C19orf44: variants seen among roughly 807,000 people sequenced by gnomAD.
The protein encoded by C19orf44 is chromosome 19 open reading frame 44.
Under a neutral mutation model 50.7 loss-of-function variants are expected in C19orf44, and 43 were observed. The ratio of observed to expected loss-of-function variants is 0.85; its 90% confidence interval spans 0.66 to 1.09. C19orf44 has a LOEUF of 1.09. Among genes scored for constraint, C19orf44 ranks in the 50% least tolerant of loss-of-function variants. The pLI is 0.00. For synonymous variants in C19orf44, 298 were observed against 334.7 expected, an observed-to-expected ratio of 0.89 and a Z score of 1.20; for missense variants, 722 against 836.2, an observed-to-expected ratio of 0.86 and a Z score of 1.68.
intron 8 of C19orf44, chr19:16,518,871 G>C (rs977363864): frequency 2.4e-6 from 1 of 422,710 alleles, no homozygotes; most frequent in African/African-American, 2.1e-5. Flanking sequence ...GAATTTACTC[G>C]GGCGGAGGGT....
intron 1 of C19orf44, among the ~76,000 whole-genome samples, chr19:16,500,156 TG>T (rs1240698163): frequency 2.0e-5 from 3 of 152,084 alleles, no homozygotes; most frequent in Non-Finnish European, 2.9e-5. Flanking sequence ...CTCGAACCCC[TG>T]GGCTCAGGTG....
rs568609469 is a variant in C19orf44 at position 16,504,849 on chromosome 19, C to T, written c.1075+1469C>T. Among the ~76,000 whole-genome samples, 121 of 145,082 alleles carry T rather than the reference C, an allele frequency of 8.3e-4. 1 individual carries two copies. Among genetic ancestry groups the T allele is most frequent in the Non-Finnish European group, 1.3e-3 (84 of 66,806 alleles). On this transcript the variant is annotated intron_variant, in intron 3 of 8. Coordinates refer to ENST00000221671, the MANE Select transcript of C19orf44 (RefSeq NM_032207.4). ...TTTTTTTTTTTTTGAGATGACATCT[C>T]GCTCTGTCACCCAGGCTGGAGTGCA...
chr19:16,513,993 ATT>A (rs201243218), intron 6 of C19orf44, among the ~76,000 whole-genome samples: 4 of 146,562 alleles, frequency 2.7e-5, no homozygotes, highest in Non-Finnish European at 6.0e-5. Context: ...CAATTTTTTA[ATT>A]TTTTTTTTTT....
At chr19:16,512,887 A>T in intron 5 of C19orf44, 127 bp from the exon 6 acceptor site, 9 of 672,522 alleles carry the variant, frequency 1.3e-5, no homozygotes, top group South Asian at 2.0e-5. Flanking sequence ...AAAATGCAAG[A>T]GTGGCGATCA....
intron 6 of C19orf44, 88 bp from the exon 7 acceptor site, chr19:16,514,409 G>A: frequency 7.6e-7 from 1 of 1,308,410 alleles, no homozygotes. Flanking sequence ...AGATTTCAGA[G>A]AGCAGCCTGG....
intron 4 of C19orf44, among the ~76,000 whole-genome samples, chr19:16,507,317 C>T (rs2093443289): frequency 6.6e-6 from 1 of 152,080 alleles, no homozygotes; most frequent in Non-Finnish European, 1.5e-5. Flanking sequence ...ACAACATCTG[C>T]ACGGAGGCAA....
chr19:16,506,676 G>A (rs370416752), intron 3 of C19orf44, 25 bp from the exon 4 acceptor site: 60 of 1,481,946 alleles, frequency 4.0e-5, no homozygotes, highest in Non-Finnish European at 4.8e-5. Flanking sequence ...AAATGTAAAC[G>A]CTTATACTCA....
In C19orf44 at chr19:16,519,153, G is replaced by A; in HGVS notation, c.*41-941G>A. 1 of 1,610,626 alleles carries A rather than the reference G, an allele frequency of 6.2e-7. No homozygotes were observed. On this transcript the variant is annotated intron_variant, in intron 8 of 8. Transcript: ENST00000221671. This position sits in a 1 kb window ranked among gnomAD's most constrained non-coding sequence, Gnocchi z 6.0. ...TGGCCACCGGCGCGGCTCCCGGCAT[G>A]GGCGCCTACTTACACTCGTCCCTGG...
chr19:16,507,299 C>T (rs1247298584), intron 4 of C19orf44, among the ~76,000 whole-genome samples: 3 of 152,144 alleles, frequency 2.0e-5, no homozygotes, highest in African/African-American at 2.4e-5. Flanking sequence ...CACGTAAAGC[C>T]GCCCATGACA....
At chr19:16,516,393 G>A (rs1007170263) in intron 7 of C19orf44, among the ~76,000 whole-genome samples, 44 of 152,066 alleles carry the variant, frequency 2.9e-4, no homozygotes, top group African/African-American at 9.7e-4. Flanking sequence ...TGTAGTGAGG[G>A]AGAAAGCGGG....
rs1366906373 is a variant in C19orf44 at position 16,520,836 on chromosome 19, TCTC to T, written c.*786_*788del. ...CATCTGCGCTTTTACCTGTTCCTCT[TCTC>T]CTGGCCTTTCCTCCGCCGGGCCCGC... On this transcript the variant is annotated 3_prime_UTR_variant, in exon 9 of 9. Coordinates refer to ENST00000221671, the MANE Select transcript of C19orf44 (RefSeq NM_032207.4). The surrounding 1 kb of genome is among the most constrained non-coding windows in gnomAD (Gnocchi z 4.0). 6 of 1,613,728 alleles carry T rather than the reference TCTC, an allele frequency of 3.7e-6. No individual in the cohort carries two copies. The highest frequency in any genetic ancestry group is 1.1e-5 in the South Asian group (1 of 91,078).
chr19:16,504,840 A>T (rs1299422748), intron 3 of C19orf44, among the ~76,000 whole-genome samples: 4 of 127,032 alleles, frequency 3.1e-5, no homozygotes, highest in African/African-American at 1.3e-4. Context: ...TTTTTTTGAG[A>T]TGACATCTCG....
At chr19:16,511,772 A>G (rs796959321) in intron 5 of C19orf44, among the ~76,000 whole-genome samples, 173 of 151,884 alleles carry the variant, frequency 1.1e-3, no homozygotes, top group African/African-American at 4.1e-3. Context: ...TCTCATCCAT[A>G]TGGCTCTTGA....
chr19:16,517,402 C>T (rs2085548838), intron 8 of C19orf44, 61 bp downstream of exon 8: 2 of 1,223,730 alleles, frequency 1.6e-6, no homozygotes, highest in Admixed American at 2.0e-5. Context: ...TCATCAGTGT[C>T]CAAGTGTGAC....
chr19:16,517,274 C>A lies in C19orf44; in HGVS notation c.1947C>A (p.Ala649=). ...CTGCCCCACTGACCATGGAGGATGC[C>A]CTGGAGGAGGTGAACAAGGAGCTGT... The part of the protein sequence containing the change: ...HRPAPLTMED[A]LEEVNKEL Residue 649 remains alanine (A), a synonymous_variant, in exon 8 of 9, where the codon GCC becomes GCA. Transcript: ENST00000221671. The A allele has an allele frequency of 6.2e-7, 1 of 1,614,076 alleles. No individual in the cohort carries two copies. Among genetic ancestry groups the A allele is most frequent in the Non-Finnish European group, 8.5e-7 (1 of 1,179,996 alleles).
chr19:16,498,052 A>G (rs1412263181), intron 1 of C19orf44, among the ~76,000 whole-genome samples: 1 of 151,994 alleles, frequency 6.6e-6, no homozygotes, highest in Non-Finnish European at 1.5e-5. Flanking sequence ...GGCTGTAGTG[A>G]GCCATGATAA....
Position 16,520,615 on chromosome 19 carries a change from G to T in C19orf44, c.*562G>T. 1 of 1,345,798 alleles carries T rather than the reference G, an allele frequency of 7.4e-7. No homozygotes were observed. Among genetic ancestry groups the T allele is most frequent in the Non-Finnish European group, 1.0e-6 (1 of 969,070 alleles). 83.4% of individuals were successfully genotyped at this position (1,345,798 alleles called of 1,614,324 possible). A position where few individuals can be genotyped will look rare whatever the true frequency, so the allele number is the denominator to read the frequency against. On this transcript the variant is annotated 3_prime_UTR_variant, in exon 9 of 9. Transcript: ENST00000221671. This position sits in a 1 kb window ranked among gnomAD's most constrained non-coding sequence, Gnocchi z 4.0. The stretch of plus-strand genomic sequence containing the variant: ...CCCAGATGCAGGGGCTCTGGCTGTG[G>T]ATGTGGCGCCATAGCCACAGCAACG...
chr19:16,511,490 C>T (rs967429353), intron 5 of C19orf44, among the ~76,000 whole-genome samples: 9 of 152,184 alleles, frequency 5.9e-5, no homozygotes, highest in African/African-American at 1.2e-4. Flanking sequence ...GCCTGGCCTT[C>T]GGGCATTTCT....
chr19:16,505,403 G>A (rs768939860), intron 3 of C19orf44, among the ~76,000 whole-genome samples: 16 of 148,744 alleles, frequency 1.1e-4, no homozygotes, highest in African/African-American at 3.2e-4. Flanking sequence ...TAGTAGAGAC[G>A]GGATTTCAAC....
Sources: allele counts gnomAD v4.1 joint callset (sites outside exome capture counted in the v4.1 genomes callset), GRCh38; gene constraint gnomAD v4.1.1; non-coding constraint Gnocchi (gnomAD v3.1); transcripts MANE v1.5; gene names NCBI Gene and HGNC (gene_info 2026-07-23, HGNC 2026-07-21).